PRIMA1: variants seen among roughly 807,000 people sequenced by gnomAD.
PRIMA1 encodes proline rich membrane anchor 1.
A neutral mutation model predicts 17.5 loss-of-function variants in PRIMA1; 7 were observed. The ratio of observed to expected loss-of-function variants is 0.40; its 90% confidence interval spans 0.23 to 0.75. The LOEUF is 0.75. Ranked by LOEUF, PRIMA1 falls within the 30% of genes least tolerant of loss-of-function variation. PRIMA1 has a pLI of 0.37. For missense variants in PRIMA1, 200 were observed against 201.8 expected (o/e 0.99, Z 0.05); for synonymous variants, 97 against 77.9 (o/e 1.25, Z -1.29).
chr14:93,770,185 T>C (rs1012475704), intron 3 of PRIMA1, among the ~76,000 whole-genome samples: 14 of 152,086 alleles, frequency 9.2e-5, no homozygotes, highest in Non-Finnish European at 1.8e-4. Flanking sequence ...GCACCGTCAC[T>C]CACCTGGCCC....
intron 3 of PRIMA1, among the ~76,000 whole-genome samples, chr14:93,745,994 C>G (rs2076214883): frequency 6.6e-6 from 1 of 152,182 alleles, no homozygotes; most frequent in South Asian, 2.1e-4. Flanking sequence ...GCCGCTGCCC[C>G]CATCCTTCCC....
chr14:93,721,400 C>T lies in PRIMA1; in HGVS notation c.*44G>A, dbSNP rs369585876. ...ACCTGCTTTCCCATGTCCACCAGTG[C>T]CACCAAGGTGTCCCTCTGGCCAGCG... On this transcript the variant is annotated 3_prime_UTR_variant, in exon 5 of 5. Transcript: ENST00000393140. The T allele has an allele frequency of 1.5e-5, 20 of 1,311,848 alleles. No individual in the cohort carries two copies. Among genetic ancestry groups the T allele is most frequent in the Non-Finnish European group, 2.1e-5 (19 of 908,854 alleles). 81.3% of individuals were successfully genotyped at this position (1,311,848 alleles called of 1,614,324 possible).
At chr14:93,779,995 C>T (rs555261081) in intron 2 of PRIMA1, among the ~76,000 whole-genome samples, 73 of 152,388 alleles carry the variant, frequency 4.8e-4, no homozygotes, top group African/African-American at 1.6e-3. Context: ...CCCCACCCCT[C>T]GTGGGATCAT....
chr14:93,724,636 C>T (rs1399156404), intron 4 of PRIMA1, among the ~76,000 whole-genome samples: 2 of 152,092 alleles, frequency 1.3e-5, no homozygotes, highest in South Asian at 2.1e-4. Flanking sequence ...CCAGTGAGGC[C>T]GCTGAGGGAC....
rs573861153 is a variant in PRIMA1 at position 93,754,434 on chromosome 14, GGT to G, written c.230-17066_230-17065del. Among the ~76,000 whole-genome samples the G allele has an allele frequency of 6.1e-4, 92 of 151,754 alleles. 1 individual carries two copies. The highest frequency in any genetic ancestry group is 2.2e-3 in the African/African-American group (91 of 41,370). Reference sequence around the variant, plus strand: ...TTTTAACATTGCCTAGGGGGGCCATGGTGGGGGGGGCCTTGACCTCTGTCCTC... The same window carrying G: ...TTTTAACATTGCCTAGGGGGGCCATGGGGGGGGGCCTTGACCTCTGTCCTC... On this transcript the variant is annotated intron_variant, in intron 3 of 4. Transcript: ENST00000393140.
At position 93,752,309 on chromosome 14, in the gene PRIMA1, C is replaced by T. The variant is rs147861028; in HGVS notation, c.230-14939G>A. Among the ~76,000 whole-genome samples the T allele has an allele frequency of 1.8e-3, 280 of 152,214 alleles. 3 individuals are homozygous for T. Among genetic ancestry groups the T allele is most frequent in the African/African-American group, 6.6e-3 (274 of 41,522 alleles). On this transcript the variant is annotated intron_variant, in intron 3 of 4. Transcript: ENST00000393140. ...TCAAAGAAGCAAAGTCACAGAGCTG[C>T]GAGTAAAGTCACAGTCAGGGCTTGG...
chr14:93,781,335 G>A (rs938345428), intron 2 of PRIMA1, among the ~76,000 whole-genome samples: 39 of 152,316 alleles, frequency 2.6e-4, no homozygotes, highest in African/African-American at 7.5e-4. Flanking sequence ...ACATCCCATC[G>A]TTGGGCCTGT....
chr14:93,754,676 T>G (rs886994902), intron 3 of PRIMA1, among the ~76,000 whole-genome samples: 4 of 152,226 alleles, frequency 2.6e-5, no homozygotes, highest in African/African-American at 9.6e-5. Context: ...TCCCCTTTAA[T>G]TCCTTACAGT....
intron 3 of PRIMA1, among the ~76,000 whole-genome samples, chr14:93,748,045 TGA>T (rs1270473892): frequency 2.3e-4 from 5 of 21,926 alleles, no homozygotes; most frequent in African/African-American, 4.9e-4. Context: ...TGGGAGTGTG[TGA>T]GTGTGTGTAT....
At chr14:93,781,298 C>A (rs187333823) in intron 2 of PRIMA1, among the ~76,000 whole-genome samples, 2 of 152,292 alleles carry the variant, frequency 1.3e-5, no homozygotes, top group Admixed American at 6.5e-5. Flanking sequence ...GGAAATCCAC[C>A]GGCTTCTAGA....
At chr14:93,757,593 T>C (rs1945330475) in intron 3 of PRIMA1, among the ~76,000 whole-genome samples, 2 of 152,018 alleles carry the variant, frequency 1.3e-5, no homozygotes, top group African/African-American at 4.8e-5. Flanking sequence ...CGCCCAGCAA[T>C]TGGTCTGTGG....
At chr14:93,727,840 G>A (rs1442578254) in intron 4 of PRIMA1, among the ~76,000 whole-genome samples, 2 of 151,378 alleles carry the variant, frequency 1.3e-5, no homozygotes, top group Admixed American at 1.3e-4. Flanking sequence ...ATTGGTAATG[G>A]GAATACACAA....
chr14:93,760,111 C>G (rs1440015472), intron 3 of PRIMA1, among the ~76,000 whole-genome samples: 2 of 152,244 alleles, frequency 1.3e-5, no homozygotes, highest in African/African-American at 4.8e-5. Context: ...AATCAAGCCC[C>G]ACAGCCTGGG....
intron 3 of PRIMA1, among the ~76,000 whole-genome samples, chr14:93,756,707 G>C (rs2076292993): frequency 6.6e-6 from 1 of 152,126 alleles, no homozygotes. Flanking sequence ...CACTGGGGTG[G>C]TCCACAGGCC....
At chr14:93,763,150 T>G (rs1884784288) in intron 3 of PRIMA1, among the ~76,000 whole-genome samples, 1 of 152,174 alleles carries the variant, frequency 6.6e-6, no homozygotes, top group Non-Finnish European at 1.5e-5. Context: ...TCTATTTTGT[T>G]CCATAGTGTG....
chr14:93,732,159 A>G (rs577287524), intron 4 of PRIMA1, among the ~76,000 whole-genome samples: 3 of 152,352 alleles, frequency 2.0e-5, no homozygotes, highest in East Asian at 1.9e-4. Context: ...CAGATGGCCA[A>G]TGGAGGCAAG....
chr14:93,763,622 G>A (rs1236660573), intron 3 of PRIMA1, among the ~76,000 whole-genome samples: 2 of 152,240 alleles, frequency 1.3e-5, no homozygotes, highest in African/African-American at 4.8e-5. Flanking sequence ...GTTGAGGGAG[G>A]AGCGGGTAAG....
At chr14:93,728,178 G>A (rs541840179) in intron 4 of PRIMA1, among the ~76,000 whole-genome samples, 5 of 152,306 alleles carry the variant, frequency 3.3e-5, no homozygotes, top group Middle Eastern at 3.4e-3. Context: ...CTGTGGGTTC[G>A]GCTCATTTGA....
intron 3 of PRIMA1, among the ~76,000 whole-genome samples, chr14:93,759,386 C>T (rs556194033): frequency 1.4e-3 from 208 of 152,230 alleles, no homozygotes; most frequent in African/African-American, 4.9e-3. Flanking sequence ...GGTGTTTCTA[C>T]CCCTGACTGA....
Sources: gnomAD v4.1 joint callset for allele counts (sites outside exome capture counted in the v4.1 genomes callset) on GRCh38, gnomAD v4.1.1 for gene constraint, MANE v1.5 for transcripts, NCBI Gene and HGNC (gene_info 2026-07-23, HGNC 2026-07-21) for gene names.